The following AGPAT4 variants were observed in gnomAD, a reference collection of about 807,000 sequenced individuals.
The protein encoded by AGPAT4 is 1-acyl-sn-glycerol-3-phosphate acyltransferase delta.
AGPAT4 carries 15 observed loss-of-function variants against 48.0 expected under a neutral mutation model. The ratio of observed to expected loss-of-function variants is 0.31; its 90% CI spans 0.21 to 0.48. AGPAT4 has a LOEUF of 0.48. AGPAT4 is among the 20% of genes least tolerant of loss of function. The pLI is 0.99. For synonymous variants in AGPAT4, 178 were observed against 198.7 expected (o/e 0.90, Z 0.88); for missense variants, 314 against 482.5 (o/e 0.65, Z 3.27).
rs558578705 is a variant in AGPAT4 at position 161,244,852 on chromosome 6, G to A, written c.-89-12550C>T. Among the ~76,000 whole-genome samples the A allele has an allele frequency of 6.6e-6, 1 of 152,262 alleles. No individual in the cohort carries two copies. The highest frequency in any genetic ancestry group is 1.9e-4 in the East Asian group (1 of 5,178). ...CTGAGCAAAGCTCCTAATCAGTGAAGGTCACCAACCACAGACAGATGGGCC... is the reference window on the plus strand; with the variant it reads ...CTGAGCAAAGCTCCTAATCAGTGAAAGTCACCAACCACAGACAGATGGGCC... On this transcript the variant is annotated intron_variant, in intron 1 of 8. Transcript: ENST00000320285. This position sits in a 1 kb window ranked among gnomAD's most constrained non-coding sequence, Gnocchi z 4.7.
At chr6:161,153,610 A>C in intron 4 of AGPAT4, 111 bp from the exon 5 acceptor site, 1 of 1,278,906 alleles carries the variant, frequency 7.8e-7, no homozygotes, top group Non-Finnish European at 1.1e-6. Context: ...TGGCCACACG[A>C]TCACACAGGG....
rs1448347704 is a variant in AGPAT4, at chr6:161,137,455, T to TGG, written c.1043-823_1043-822dup. On this transcript the variant is annotated intron_variant, in intron 8 of 8. Coordinates refer to ENST00000320285, the MANE Select transcript of AGPAT4 (RefSeq NM_020133.3). This position sits in a 1 kb window ranked among gnomAD's most constrained non-coding sequence, Gnocchi z 6.1. ...TTAGCATCGCGGTCGATAAACTAACTGGGACATGGATGCAAGAGCCTGGGA... is the reference window on the plus strand; with the variant it reads ...TTAGCATCGCGGTCGATAAACTAACTGGGGGACATGGATGCAAGAGCCTGGGA... Among the ~76,000 whole-genome samples, 1 of 152,164 alleles carries TGG rather than the reference T, an allele frequency of 6.6e-6. No homozygotes were observed. The highest frequency in any genetic ancestry group is 1.5e-5 in the Non-Finnish European group (1 of 68,026).
chr6:161,222,569 T>A lies in AGPAT4; in HGVS notation c.178+9467A>T, dbSNP rs1781863251. Among the ~76,000 whole-genome samples, 1 of 150,220 alleles carries A rather than the reference T, an allele frequency of 6.7e-6. No homozygotes were observed. Among genetic ancestry groups the A allele is most frequent in the Non-Finnish European group, 1.5e-5 (1 of 67,918 alleles). On this transcript the variant is annotated intron_variant, in intron 2 of 8. Coordinates refer to ENST00000320285, the MANE Select transcript of AGPAT4 (RefSeq NM_020133.3). The surrounding 1 kb of genome is among the most constrained non-coding windows in gnomAD (Gnocchi z 5.9). ...GCATCTTTCTATAAAAGATTACGCA[T>A]GAACAGATTTTTTTTTTTTTCAAAT...
At position 161,195,329 on chromosome 6, in the gene AGPAT4, G is replaced by GT. The variant is rs746571132; in HGVS notation, c.179-28913dup. 4.6e-5 allele frequency among the ~76,000 whole-genome samples: 7 copies of GT among 152,164 alleles called. No homozygotes were observed. The highest frequency in any genetic ancestry group is 3.9e-4 in the Admixed American group (6 of 15,270). The stretch of plus-strand genomic sequence containing the variant: ...GTCTTCCCAAAATAAAAGAAAAAAA[G>GT]TAATTATTCAGAGAAGACAAGCACT... On this transcript the variant is annotated intron_variant, in intron 2 of 8. Transcript: ENST00000320285. The surrounding 1 kb of genome is among the most constrained non-coding windows in gnomAD (Gnocchi z 5.0).
At chr6:161,210,519 G>A (rs1483434969) in intron 2 of AGPAT4, among the ~76,000 whole-genome samples, 1 of 152,116 alleles carries the variant, frequency 6.6e-6, no homozygotes, top group Non-Finnish European at 1.5e-5. Context: ...AATATATAAA[G>A]AGTTCCAATT....
chr6:161,213,775 T>A (rs915447152), intron 2 of AGPAT4, among the ~76,000 whole-genome samples: 4 of 152,210 alleles, frequency 2.6e-5, no homozygotes, highest in Non-Finnish European at 5.9e-5. Context: ...CTTCATAGAA[T>A]AACCTTATAA....
At chr6:161,253,364 C>T (rs1782857890) in intron 1 of AGPAT4, among the ~76,000 whole-genome samples, 1 of 150,738 alleles carries the variant, frequency 6.6e-6, no homozygotes, top group African/African-American at 2.4e-5. Context: ...ACGCCATTCT[C>T]CTGCCTCAGC....
At position 161,149,721 on chromosome 6, in the gene AGPAT4, T is replaced by C. The variant is rs973121620; in HGVS notation, c.665-432A>G. ...CACGCCCAGCTAATTTTTGTATTTT[T>C]AGTAGAGTCAGGGATTCACCATGTT... is the stretch of plus-strand genomic sequence containing the variant. On this transcript the variant is annotated intron_variant, in intron 5 of 8. Transcript: ENST00000320285. The surrounding 1 kb of genome is among the most constrained non-coding windows in gnomAD (Gnocchi z 6.5). Among the ~76,000 whole-genome samples, 4 of 152,062 alleles carry C rather than the reference T, an allele frequency of 2.6e-5. No homozygotes were observed. The highest frequency in any genetic ancestry group is 9.7e-5 in the African/African-American group (4 of 41,396).
At position 161,161,389 on chromosome 6, in the gene AGPAT4, A is replaced by C. The variant is rs1779930514; in HGVS notation, c.348+4859T>G. 2.2e-6 allele frequency: 1 copy of C among 456,568 alleles called. No individual in the cohort carries two copies. The highest frequency in any genetic ancestry group is 2.0e-5 in the African/African-American group (1 of 50,060). 28.3% of individuals were successfully genotyped at this position (456,568 alleles called of 1,614,324 possible). ...GGTCGTCACCATTATCGGGTTCCTC[A>C]TCCATGTGATTCCAGATCCCAGCAC... On this transcript the variant is annotated intron_variant, in intron 3 of 8. Coordinates refer to ENST00000320285, the MANE Select transcript of AGPAT4 (RefSeq NM_020133.3). This position sits in a 1 kb window ranked among gnomAD's most constrained non-coding sequence, Gnocchi z 4.6.
In AGPAT4 at chr6:161,142,271, A is replaced by G. The variant is rs370556178; in HGVS notation, c.844-2651T>C. 6.6e-6 allele frequency among the ~76,000 whole-genome samples: 1 copy of G among 152,214 alleles called. No individual in the cohort carries two copies. Among genetic ancestry groups the G allele is most frequent in the African/African-American group, 2.4e-5 (1 of 41,458 alleles). ...TCCCACTGACTATCGGGGAGAGAAC[A>G]GCACCGCCAGCTCTGGCCAGACTCC... On this transcript the variant is annotated intron_variant, in intron 7 of 8. Transcript: ENST00000320285. This position sits in a 1 kb window ranked among gnomAD's most constrained non-coding sequence, Gnocchi z 6.4.
rs1231055858 is a variant in AGPAT4, at chr6:161,233,472, A to G, written c.-89-1170T>C. ...TTGTTACAATCTTTTTTAATAATGA[A>G]CAATCTGTATACAGATGGTCCTCGA... On this transcript the variant is annotated intron_variant, in intron 1 of 8. Coordinates refer to ENST00000320285, the MANE Select transcript of AGPAT4 (RefSeq NM_020133.3). This position sits in a 1 kb window ranked among gnomAD's most constrained non-coding sequence, Gnocchi z 5.4. Among the ~76,000 whole-genome samples, 1 of 152,202 alleles carries G rather than the reference A, an allele frequency of 6.6e-6. No individual in the cohort carries two copies. Among genetic ancestry groups the G allele is most frequent in the Admixed American group, 6.5e-5 (1 of 15,282 alleles).
At chr6:161,168,918 C>T (rs1780188743) in intron 2 of AGPAT4, among the ~76,000 whole-genome samples, 1 of 152,182 alleles carries the variant, frequency 6.6e-6, no homozygotes. Flanking sequence ...AAAGTAGGGA[C>T]AGGTAAATGC....
At chr6:161,209,644 G>C (rs779443198) in intron 2 of AGPAT4, among the ~76,000 whole-genome samples, 1 of 152,168 alleles carries the variant, frequency 6.6e-6, no homozygotes, top group Non-Finnish European at 1.5e-5. Flanking sequence ...GGCTCCTCGA[G>C]GGTCAGACAG....
intron 2 of AGPAT4, among the ~76,000 whole-genome samples, chr6:161,187,826 G>C (rs896952445): frequency 5.9e-5 from 9 of 152,172 alleles, no homozygotes; most frequent in African/African-American, 1.9e-4. Context: ...TTACAGGCGT[G>C]AGCCACCGTG....
At position 161,138,734 on chromosome 6, in the gene AGPAT4, C is replaced by T. The variant is rs1352895560; in HGVS notation, c.1042+688G>A. 3.9e-5 allele frequency among the ~76,000 whole-genome samples: 6 copies of T among 152,114 alleles called. No homozygotes were observed. Among genetic ancestry groups the T allele is most frequent in the Admixed American group, 1.3e-4 (2 of 15,278 alleles). Reference sequence around the variant, plus strand: ...CCGGGCTCTCCAAAGCCTCAGAGGACGCCAGGCTTGGGGAGACAGGGCCTT... The same window carrying T: ...CCGGGCTCTCCAAAGCCTCAGAGGATGCCAGGCTTGGGGAGACAGGGCCTT... On this transcript the variant is annotated intron_variant, in intron 8 of 8. Coordinates refer to ENST00000320285, the MANE Select transcript of AGPAT4 (RefSeq NM_020133.3). The surrounding 1 kb of genome is among the most constrained non-coding windows in gnomAD (Gnocchi z 4.8).
intron 1 of AGPAT4, among the ~76,000 whole-genome samples, chr6:161,271,259 C>T (rs1346111249): frequency 6.6e-6 from 1 of 152,156 alleles, no homozygotes; most frequent in Non-Finnish European, 1.5e-5. Flanking sequence ...ATCTAAGACA[C>T]CCTCTCCTTC....
At chr6:161,209,645 G>A (rs904246028) in intron 2 of AGPAT4, among the ~76,000 whole-genome samples, 4 of 152,126 alleles carry the variant, frequency 2.6e-5, no homozygotes, top group Non-Finnish European at 5.9e-5. Context: ...GCTCCTCGAG[G>A]GTCAGACAGG....
rs756779290 is a variant in AGPAT4, at chr6:161,130,867, G to T, written c.*5673C>A. ...TAGTTCATCAACTTTCCTTCCTCAT[G>T]ATCTGCAAAGATACAGAGAGAATGG... On this transcript the variant is annotated 3_prime_UTR_variant, in exon 9 of 9. Transcript: ENST00000320285. 1.2e-5 allele frequency: 6 copies of T among 518,878 alleles called. No homozygotes were observed. The highest frequency in any genetic ancestry group is 2.3e-5 in the Non-Finnish European group (6 of 259,850). 32.1% of individuals were successfully genotyped at this position (518,878 alleles called of 1,614,324 possible).
chr6:161,228,123 T>C (rs1782031205), intron 2 of AGPAT4, among the ~76,000 whole-genome samples: 1 of 152,180 alleles, frequency 6.6e-6, no homozygotes, highest in South Asian at 2.1e-4. Context: ...AATCCTAAAT[T>C]TGATGTGCTT....
Sources: allele counts gnomAD v4.1 joint callset (sites outside exome capture counted in the v4.1 genomes callset), GRCh38; gene constraint gnomAD v4.1.1; non-coding constraint Gnocchi (gnomAD v3.1); transcripts MANE v1.5; gene names NCBI Gene and HGNC (gene_info 2026-07-23, HGNC 2026-07-21).